BBX: variants seen among roughly 807,000 people sequenced by gnomAD.
The protein encoded by BBX is HMG box transcription factor BBX.
BBX carries 30 observed loss-of-function variants against 100.2 expected under a neutral mutation model. The observed-to-expected ratio is 0.30, with a 90% CI of 0.22 to 0.41. The LOEUF (loss-of-function observed/expected upper bound fraction) is 0.41. Ranked by LOEUF, BBX falls within the 10% of genes least tolerant of loss-of-function variation. The pLI, the probability that BBX is intolerant of heterozygous loss-of-function variation, is 1.00. For synonymous variants in BBX, 376 were observed against 388.1 expected, an observed-to-expected ratio of 0.97 and a Z score of 0.37; for missense variants, 1,023 against 1,129.8, an observed-to-expected ratio of 0.91 and a Z score of 1.35.
intron 3 of BBX, chr3:107,661,987 C>A: frequency 1.2e-6 from 1 of 811,450 alleles, no homozygotes; most frequent in Non-Finnish European, 1.5e-6. Flanking sequence ...GTTCACGCAG[C>A]ATAGTTGGTG....
chr3:107,732,852 C>T (rs1406289896), intron 6 of BBX, 104 bp from the exon 7 acceptor site: 8 of 906,994 alleles, frequency 8.8e-6, no homozygotes, highest in Non-Finnish European at 1.2e-5. Context: ...ATATGTGGTT[C>T]TGTTGGATTT....
intron 2 of BBX, among the ~76,000 whole-genome samples, chr3:107,606,761 C>G (rs2054475626): frequency 6.6e-6 from 1 of 152,042 alleles, no homozygotes; most frequent in African/African-American, 2.4e-5. Flanking sequence ...AATGGGGTAT[C>G]CATCACCTCA....
chr3:107,530,384 C>CAAAA (rs2048073566), intron 2 of BBX, among the ~76,000 whole-genome samples: 1 of 149,804 alleles, frequency 6.7e-6, no homozygotes, highest in Non-Finnish European at 1.5e-5. Context: ...GACTCTGTCT[C>CAAAA]CAAAACAAAA....
chr3:107,773,375 C>A lies in BBX; in HGVS notation c.1654C>A (p.Pro552Thr). Residue 552 changes from proline (P) to threonine (T), a missense_variant, in exon 11 of 18, where the codon CCT becomes ACT. By Grantham distance (38) the Pro-to-Thr change is conservative. Around this residue, in one of 9 missense-constraint regions of BBX, gnomAD observed 348 missense variants for 353.2 expected, o/e 0.99. Transcript: ENST00000325805. This position sits in a 1 kb window ranked among gnomAD's most constrained non-coding sequence, Gnocchi z 4.1. ...CTCAGACACCACCAAAGAGTCAAGACCTCCAGATTTCATTAGTATTTCTGC... is the reference window on the plus strand; with the variant it reads ...CTCAGACACCACCAAAGAGTCAAGAACTCCAGATTTCATTAGTATTTCTGC... ...KSSDTTKESR[P>T]PDFISISASK... 1 of 1,614,108 alleles carries A rather than the reference C, an allele frequency of 6.2e-7. No homozygotes were observed. Among genetic ancestry groups the A allele is most frequent in the Non-Finnish European group, 8.5e-7 (1 of 1,179,992 alleles).
intron 2 of BBX, among the ~76,000 whole-genome samples, chr3:107,629,504 A>G (rs893817175): frequency 2.0e-5 from 3 of 152,178 alleles, no homozygotes; most frequent in Non-Finnish European, 4.4e-5. Context: ...CACAGAGGAT[A>G]TATTCCCCCT....
intron 2 of BBX, among the ~76,000 whole-genome samples, chr3:107,570,684 G>A (rs575168571): frequency 1.3e-4 from 20 of 152,158 alleles, no homozygotes; most frequent in Admixed American, 5.9e-4. Context: ...GTGGGGGAGC[G>A]GAGGCTGAGG....
At chr3:107,700,684 C>T (rs36153966) in intron 3 of BBX, among the ~76,000 whole-genome samples, 3 of 146,276 alleles carry the variant, frequency 2.1e-5, no homozygotes, top group Non-Finnish European at 3.0e-5. Flanking sequence ...TGAGAACATG[C>T]GGTGTTTGGT....
chr3:107,762,741 A>T (rs566240708), intron 10 of BBX, among the ~76,000 whole-genome samples: 1 of 152,258 alleles, frequency 6.6e-6, no homozygotes, highest in Admixed American at 6.5e-5. Flanking sequence ...AATCTGGCCA[A>T]CTCCTTTATA....
intron 3 of BBX, among the ~76,000 whole-genome samples, chr3:107,672,174 A>G (rs1472650559): frequency 6.6e-6 from 1 of 152,074 alleles, no homozygotes; most frequent in Non-Finnish European, 1.5e-5. Context: ...CACTTGTATG[A>G]GACCTTAAGT....
At chr3:107,611,414 C>T (rs1490920025) in intron 2 of BBX, among the ~76,000 whole-genome samples, 1 of 152,160 alleles carries the variant, frequency 6.6e-6, no homozygotes, top group African/African-American at 2.4e-5. Context: ...CCTTGTAGGA[C>T]AGATCTGGTG....
chr3:107,734,993 C>T (rs893036753), intron 7 of BBX, among the ~76,000 whole-genome samples: 5 of 152,132 alleles, frequency 3.3e-5, no homozygotes. Flanking sequence ...AAGGTGGTAG[C>T]AGTTAGGTCT....
chr3:107,776,338 G>C (rs1222957663), intron 12 of BBX: 1 of 152,150 alleles, frequency 6.6e-6, no homozygotes, highest in Non-Finnish European at 1.5e-5. Context: ...ATCTGTTCCT[G>C]AAAAGAGATT....
chr3:107,612,037 A>G (rs1553744356), intron 2 of BBX, among the ~76,000 whole-genome samples: 1 of 151,784 alleles, frequency 6.6e-6, no homozygotes, highest in Non-Finnish European at 1.5e-5. Context: ...GGTGAGTTGC[A>G]TTTTTCAATT....
intron 2 of BBX, among the ~76,000 whole-genome samples, chr3:107,624,784 G>A (rs1348618960): frequency 6.6e-6 from 1 of 152,170 alleles, no homozygotes; most frequent in Non-Finnish European, 1.5e-5. Flanking sequence ...CACAAGAATC[G>A]CTTGAACCCG....
intron 10 of BBX, among the ~76,000 whole-genome samples, chr3:107,769,231 C>CAGACAGATAGACAGAT (rs745763748): frequency 1.0e-5 from 1 of 98,390 alleles, no homozygotes; most frequent in African/African-American, 3.5e-5. Flanking sequence ...GATAGATAGA[C>CAGACAGATAGACAGAT]AGATAGATAG....
intron 2 of BBX, among the ~76,000 whole-genome samples, chr3:107,586,753 A>G (rs879379502): frequency 5.4e-5 from 8 of 148,924 alleles, no homozygotes; most frequent in Non-Finnish European, 1.2e-4. Context: ...GTGATTCCAC[A>G]CTTTTTTTTT....
intron 7 of BBX, 106 bp from the exon 8 acceptor site, chr3:107,744,524 G>A (rs1036715760): frequency 1.2e-6 from 1 of 810,714 alleles, no homozygotes; most frequent in Admixed American, 2.1e-5. Flanking sequence ...TGATGTTTCT[G>A]TAACTGTTGT....
chr3:107,693,937 G>A (rs1268469575), intron 3 of BBX, among the ~76,000 whole-genome samples: 1 of 151,052 alleles, frequency 6.6e-6, no homozygotes, highest in Admixed American at 6.6e-5. Context: ...TGGATTGCTA[G>A]GTATTTTATT....
chr3:107,666,377 G>C lies in BBX; in HGVS notation c.-10+20468G>C, dbSNP rs1026496285. Among the ~76,000 whole-genome samples, 58 of 152,222 alleles carry C rather than the reference G, an allele frequency of 3.8e-4. 1 individual carries two copies. Among genetic ancestry groups the C allele is most frequent in the South Asian group, 6.2e-4 (3 of 4,822 alleles). ...CGCTCCTCATGATGTTAATAGATCT[G>C]GTTTGTGAACATTCCATTTAAGTCT... On this transcript the variant is annotated intron_variant, in intron 3 of 17. Transcript: ENST00000325805.
Sources: gnomAD v4.1 joint callset for allele counts (sites outside exome capture counted in the v4.1 genomes callset) on GRCh38, gnomAD v4.1.1 for gene constraint, gnomAD v4.1.1 regional missense constraint, Gnocchi (gnomAD v3.1) non-coding constraint, MANE v1.5 for transcripts, NCBI Gene and HGNC (gene_info 2026-07-23, HGNC 2026-07-21) for gene names.